The following PPP1R9A variants were observed in gnomAD, a reference collection of about 807,000 sequenced individuals.
PPP1R9A encodes the protein neurabin-1.
Under a neutral mutation model 141.9 loss-of-function variants are expected in PPP1R9A, and 59 were observed. That is an observed-to-expected ratio of 0.42 (90% CI 0.34 to 0.52). The LOEUF is 0.52. Among genes scored for constraint, PPP1R9A ranks in the 20% least tolerant of loss-of-function variants. PPP1R9A has a pLI of 0.10. For missense variants in PPP1R9A, 1,444 were observed against 1,611.9 expected (o/e 0.90, Z 1.78); for synonymous variants, 500 against 569.7 (o/e 0.88, Z 1.74).
At chr7:95,279,083 C>T (rs564448836) in intron 16 of PPP1R9A, among the ~76,000 whole-genome samples, 3 of 152,246 alleles carry the variant, frequency 2.0e-5, no homozygotes, top group South Asian at 2.1e-4. Context: ...ATTCTTCTTG[C>T]GTATTTTGCT....
intron 2 of PPP1R9A, among the ~76,000 whole-genome samples, chr7:95,007,373 C>T (rs529613306): frequency 3.2e-4 from 49 of 152,294 alleles, no homozygotes; most frequent in Non-Finnish European, 5.9e-4. Flanking sequence ...GGTACCTCCT[C>T]GCCCAATTTG....
intron 8 of PPP1R9A, among the ~76,000 whole-genome samples, chr7:95,232,762 GA>G (rs773395755): frequency 1.8e-4 from 28 of 152,206 alleles, no homozygotes; most frequent in Non-Finnish European, 3.7e-4. Context: ...ACAAACATAT[GA>G]AAAAAAGCTT....
chr7:95,194,922 A>G (rs751986145), intron 5 of PPP1R9A, among the ~76,000 whole-genome samples: 13 of 152,144 alleles, frequency 8.5e-5, no homozygotes, highest in Non-Finnish European at 1.6e-4. Flanking sequence ...AAGCAATTCT[A>G]AATTAAACCC....
At position 95,111,287 on chromosome 7, in the gene PPP1R9A, A is replaced by G. The variant is rs781230499; in HGVS notation, c.1424A>G (p.Tyr475Cys). The change falls in exon 3 of 20, where the codon TAT becomes TGT. Residue 475 changes from tyrosine (Y) to cysteine (C), a missense_variant. This residue lies in a region of PPP1R9A where 488 missense variants were observed against 542.0 expected (regional missense o/e 0.90). Coordinates refer to ENST00000433360, the MANE Select transcript of PPP1R9A (RefSeq NM_001166160.2). ...TTCAACACATACTCCAATGAAGACT[A>G]TGACAGGAGAAATGACGAAGTTGAC... is the stretch of plus-strand genomic sequence containing the variant. ...KVFNTYSNED[Y>C]DRRNDEVDPV... The G allele has an allele frequency of 6.2e-7, 1 of 1,612,738 alleles. No homozygotes were observed. The highest frequency in any genetic ancestry group is 8.5e-7 in the Non-Finnish European group (1 of 1,179,152).
chr7:95,087,831 G>T (rs966248360), intron 2 of PPP1R9A, among the ~76,000 whole-genome samples: 16 of 151,356 alleles, frequency 1.1e-4, no homozygotes, highest in Non-Finnish European at 1.5e-4. Flanking sequence ...GGCGGCAGAG[G>T]TTGCAGTGAG....
intron 16 of PPP1R9A, among the ~76,000 whole-genome samples, chr7:95,276,885 A>G (rs1033540976): frequency 6.6e-6 from 1 of 152,218 alleles, no homozygotes; most frequent in African/African-American, 2.4e-5. Flanking sequence ...TAGATTGATA[A>G]TGGGTACAGA....
At chr7:95,068,473 GAAAAAA>G (rs36043693) in intron 2 of PPP1R9A, among the ~76,000 whole-genome samples, 123 of 94,234 alleles carry the variant, frequency 1.3e-3, no homozygotes, top group Middle Eastern at 0.011. Flanking sequence ...CTTGTCTCAA[GAAAAAA>G]AAAAAAAAAA....
intron 2 of PPP1R9A, among the ~76,000 whole-genome samples, chr7:94,936,961 T>C (rs1794837099): frequency 6.6e-6 from 1 of 152,144 alleles, no homozygotes; most frequent in African/African-American, 2.4e-5. Flanking sequence ...TTTTTTGTTT[T>C]ATCCCTCTGG....
intron 2 of PPP1R9A, among the ~76,000 whole-genome samples, chr7:95,025,192 G>A (rs1226688283): frequency 1.3e-5 from 2 of 151,844 alleles, no homozygotes; most frequent in Non-Finnish European, 2.9e-5. Context: ...TCAGCCTCCC[G>A]AGTAGTTGAG....
At chr7:94,962,714 A>G (rs1344606823) in intron 2 of PPP1R9A, among the ~76,000 whole-genome samples, 2 of 152,172 alleles carry the variant, frequency 1.3e-5, no homozygotes, top group Non-Finnish European at 2.9e-5. Flanking sequence ...AAAAATTAAT[A>G]TACGTGAAAT....
intron 12 of PPP1R9A, among the ~76,000 whole-genome samples, chr7:95,258,368 G>GT (rs1799925421): frequency 1.3e-5 from 2 of 152,024 alleles, no homozygotes; most frequent in Admixed American, 1.3e-4. Context: ...GAGGTTGTTT[G>GT]TTTTTTTCTT....
chr7:95,165,788 T>C (rs911862021), intron 5 of PPP1R9A, among the ~76,000 whole-genome samples: 2 of 152,092 alleles, frequency 1.3e-5, no homozygotes, highest in Non-Finnish European at 2.9e-5. Context: ...CAGTGATTGC[T>C]GGGAGAAAAC....
rs1480980649 is a variant in PPP1R9A at position 95,012,845 on chromosome 7, G to C, written c.1396-98414G>C. Among the ~76,000 whole-genome samples, 3 of 152,182 alleles carry C rather than the reference G, an allele frequency of 2.0e-5. No individual in the cohort carries two copies. The East Asian group carries it at 5.8e-4, about 29-fold the overall frequency. Reference sequence around the variant, plus strand: ...TGAAAAGTTGGAATCACTCAATATGGATTGATTGGGCTGCCTTCACAAAGT... The same window carrying C: ...TGAAAAGTTGGAATCACTCAATATGCATTGATTGGGCTGCCTTCACAAAGT... On this transcript the variant is annotated intron_variant, in intron 2 of 19. Transcript: ENST00000433360.
chr7:94,955,541 A>AG (rs1796991947), intron 2 of PPP1R9A, among the ~76,000 whole-genome samples: 1 of 152,114 alleles, frequency 6.6e-6, no homozygotes, highest in South Asian at 2.1e-4. Context: ...TTCTAAAAAA[A>AG]TGTCTGAACT....
chr7:95,170,708 T>A (rs1169920264), intron 5 of PPP1R9A, among the ~76,000 whole-genome samples: 3 of 151,536 alleles, frequency 2.0e-5, no homozygotes, highest in African/African-American at 7.2e-5. Flanking sequence ...AGAATACTAT[T>A]ATAAGAAATG....
At chr7:94,975,637 A>G (rs76901064) in intron 2 of PPP1R9A, among the ~76,000 whole-genome samples, 3,442 of 152,086 alleles carry the variant, frequency 0.023, 39 homozygotes, top group Non-Finnish European at 0.033. Flanking sequence ...ATTACTGGCT[A>G]TGTTCCCAGG....
At chr7:95,082,755 G>A (rs1216302932) in intron 2 of PPP1R9A, among the ~76,000 whole-genome samples, 3 of 145,826 alleles carry the variant, frequency 2.1e-5, no homozygotes, top group African/African-American at 7.8e-5. Context: ...AGTGTAGGGT[G>A]GAAGGGATTT....
Position 95,290,396 on chromosome 7 carries a change from A to AC in PPP1R9A, c.*93_*94insC, listed in dbSNP as rs1806193977. The AC allele has an allele frequency of 7.4e-7, 1 of 1,352,112 alleles. No individual in the cohort carries two copies. The highest frequency in any genetic ancestry group is 2.7e-5 in the Admixed American group (1 of 37,376). The allele number at this position is 1,352,112 out of a possible 1,614,324, so 83.8% of individuals were successfully genotyped here. A position where few individuals can be genotyped will look rare whatever the true frequency, so the allele number is the denominator to read the frequency against. On this transcript the variant is annotated 3_prime_UTR_variant, in exon 20 of 20. Coordinates refer to ENST00000433360, the MANE Select transcript of PPP1R9A (RefSeq NM_001166160.2). ...CTCCAGAGGATGAAAAAGAAACTAA[A>AC]TGATAAGGGTAATGCGGCTCTAGGC...
At chr7:95,204,046 G>C (rs1160347635) in intron 7 of PPP1R9A, among the ~76,000 whole-genome samples, 1 of 152,162 alleles carries the variant, frequency 6.6e-6, no homozygotes, top group Non-Finnish European at 1.5e-5. Context: ...CAGCAGGTCT[G>C]TATGATGTTT....
Sources: gnomAD v4.1 joint callset for allele counts (sites outside exome capture counted in the v4.1 genomes callset) on GRCh38, gnomAD v4.1.1 for gene constraint, gnomAD v4.1.1 regional missense constraint, MANE v1.5 for transcripts, NCBI Gene and HGNC (gene_info 2026-07-23, HGNC 2026-07-21) for gene names.